XIAP: variants seen among roughly 807,000 people sequenced by gnomAD.
XIAP encodes the protein E3 ubiquitin-protein ligase XIAP.
Under a neutral mutation model 33.1 loss-of-function variants are expected in XIAP, and 3 were observed. The ratio of observed to expected loss-of-function variants is 0.09; its 90% confidence interval spans 0.04 to 0.23. XIAP has a LOEUF of 0.23. Among genes scored for constraint, XIAP ranks in the 10% least tolerant of loss-of-function variants. XIAP has a pLI of 1.00. For synonymous variants in XIAP, 98 were observed against 121.3 expected, an observed-to-expected ratio of 0.81 and a Z score of 1.26; for missense variants, 264 against 363.0, an observed-to-expected ratio of 0.73 and a Z score of 2.22.
At chrX:123,880,136 G>A (rs1334647620) in intron 1 of XIAP, among the ~76,000 whole-genome samples, 1 of 108,258 alleles carries the variant, frequency 9.2e-6, no homozygotes, top group Non-Finnish European at 1.9e-5. Flanking sequence ...CTTAAGGCTG[G>A]GCGCGGTGGC....
Position 123,907,663 on chromosome X carries a change from G to T in XIAP, c.*482G>T. 1 of 373,681 alleles carries T rather than the reference G, an allele frequency of 2.7e-6. No individual in the cohort carries two copies. The highest frequency in any genetic ancestry group is 2.6e-5 in the South Asian group (1 of 37,794). The allele number at this position is 373,681 out of a possible 1,213,427, so 30.8% of individuals were successfully genotyped here. On this transcript the variant is annotated 3_prime_UTR_variant, in exon 7 of 7. Coordinates refer to ENST00000371199, the MANE Select transcript of XIAP (RefSeq NM_001167.4). Reference sequence around the variant, plus strand: ...AGATAGAGATTGTTTTTAGAGGTTGGTTGTTGTGTTTTAGGATTCTGTCCA... The same window carrying T: ...AGATAGAGATTGTTTTTAGAGGTTGTTTGTTGTGTTTTAGGATTCTGTCCA...
intron 5 of XIAP, among the ~76,000 whole-genome samples, chrX:123,900,145 T>C (rs2053502752): frequency 8.9e-6 from 1 of 112,116 alleles, no homozygotes; most frequent in Non-Finnish European, 1.9e-5. Context: ...CAACATCCAC[T>C]CTTTAAGTAA....
chrX:123,872,351 A>T (rs1227363977), intron 1 of XIAP, among the ~76,000 whole-genome samples: 7 of 101,630 alleles, frequency 6.9e-5, no homozygotes, highest in African/African-American at 2.2e-4. Flanking sequence ...TTTTTGGCAC[A>T]CTAGTGTCTC....
At chrX:123,883,396 A>G (rs1400957272) in intron 1 of XIAP, among the ~76,000 whole-genome samples, 2 of 109,290 alleles carry the variant, frequency 1.8e-5, no homozygotes, top group African/African-American at 6.7e-5. Flanking sequence ...TGCACCAGAT[A>G]TTTTTTAAAA....
rs1184725408 is a variant in XIAP at position 123,913,634 on chromosome X, AC to A, written c.*6455del. 3.1e-6 allele frequency: 1 copy of A among 322,599 alleles called. No homozygotes were observed. The highest frequency in any genetic ancestry group is 3.2e-5 in the Admixed American group (1 of 31,145). The allele number at this position is 322,599 out of a possible 1,213,427, so 26.6% of individuals were successfully genotyped here. A position where few individuals can be genotyped will look rare whatever the true frequency, so the allele number is the denominator to read the frequency against. ...AATATTTTAAATTACTATATATGTT[AC>A]CATTTTTCTGGATTTAGTAAGAAAT... On this transcript the variant is annotated 3_prime_UTR_variant, in exon 7 of 7. Transcript: ENST00000371199.
intron 5 of XIAP, among the ~76,000 whole-genome samples, chrX:123,894,956 G>GTAAGTAAGTAAA (rs762956643): frequency 0.011 from 1,119 of 105,733 alleles, 3 homozygotes; most frequent in Non-Finnish European, 0.015. Flanking sequence ...ACATAAATAA[G>GTAAGTAAGTAAA]TAAATAAATA....
Position 123,913,849 on chromosome X carries a change from G to GAAAAA in XIAP, c.*6670_*6671insAAAAA. On this transcript the variant is annotated 3_prime_UTR_variant, in exon 7 of 7. Coordinates refer to ENST00000371199, the MANE Select transcript of XIAP (RefSeq NM_001167.4). ...ATAATTTTATGGTTTTTTTCACTTA[G>GAAAAA]AACCTTTCTGTGTGGAAAACTAAGA... 3.2e-6 allele frequency: 1 copy of GAAAAA among 317,360 alleles called. No homozygotes were observed. The highest frequency in any genetic ancestry group is 2.9e-5 in the South Asian group (1 of 34,969). 26.2% of individuals were successfully genotyped at this position (317,360 alleles called of 1,213,427 possible).
In XIAP at chrX:123,907,564, G is replaced by C. The variant is rs1165644941; in HGVS notation, c.*383G>C. 1 of 382,507 alleles carries C rather than the reference G, an allele frequency of 2.6e-6. No homozygotes were observed. The highest frequency in any genetic ancestry group is 3.0e-5 in the Admixed American group (1 of 33,184). 31.5% of individuals were successfully genotyped at this position (382,507 alleles called of 1,213,427 possible). On this transcript the variant is annotated 3_prime_UTR_variant, in exon 7 of 7. Transcript: ENST00000371199. ...GGAGCTTTCTGTATATAAATGTGGAGATTAGAGTTAATCTCCCCAATCACA... is the reference window on the plus strand; with the variant it reads ...GGAGCTTTCTGTATATAAATGTGGACATTAGAGTTAATCTCCCCAATCACA...
chrX:123,895,814 T>G (rs1250222341), intron 5 of XIAP, among the ~76,000 whole-genome samples: 1 of 106,052 alleles, frequency 9.4e-6, no homozygotes, highest in African/African-American at 3.5e-5. Context: ...TAGGCTGGAG[T>G]GCAGTGGTAA....
At chrX:123,906,140 TTA>T (rs1345053729) in intron 6 of XIAP, among the ~76,000 whole-genome samples, 1 of 113,049 alleles carries the variant, frequency 8.8e-6, no homozygotes, top group East Asian at 2.8e-4. Flanking sequence ...GTCATTATTG[TTA>T]TATGTGACCA....
chrX:123,904,753 A>G (rs1382821204), intron 6 of XIAP, among the ~76,000 whole-genome samples: 2 of 111,859 alleles, frequency 1.8e-5, no homozygotes, highest in African/African-American at 3.3e-5. Context: ...CCTCCCGAGT[A>G]GCTGGGATTA....
At chrX:123,892,812 CAATT>C (rs1569478589) in intron 5 of XIAP, 39 bp downstream of exon 5, 1 of 1,092,832 alleles carries the variant, frequency 9.2e-7, no homozygotes, top group South Asian at 1.9e-5. Context: ...ATTTAACTGC[CAATT>C]TATTTATTTA....
Position 123,912,216 on chromosome X carries a change from G to GAAAAAAAAAAAAAAAAAAAAA in XIAP, c.*5047_*5048insAAAAAAAAAAAAAAAAAAAAA. ...ACCAAGGAGGAATTGAAAACACTGA[G>GAAAAAAAAAAAAAAAAAAAAA]AAAAAAAAAAAAGACCACACAATAA... On this transcript the variant is annotated 3_prime_UTR_variant, in exon 7 of 7. Transcript: ENST00000371199. 1 of 207,687 alleles carries GAAAAAAAAAAAAAAAAAAAAA rather than the reference G, an allele frequency of 4.8e-6. No homozygotes were observed. Among genetic ancestry groups the GAAAAAAAAAAAAAAAAAAAAA allele is most frequent in the Non-Finnish European group, 8.7e-6 (1 of 114,936 alleles). 17.1% of individuals were successfully genotyped at this position (207,687 alleles called of 1,213,427 possible).
In XIAP at chrX:123,906,908, A is replaced by G. The variant is rs2053559412; in HGVS notation, c.1301-80A>G. 2.7e-6 allele frequency: 3 copies of G among 1,122,776 alleles called. No homozygotes were observed. In the Admixed American group the frequency reaches 6.9e-5, roughly 26 times the overall value. 92.5% of individuals were successfully genotyped at this position (1,122,776 alleles called of 1,213,427 possible). ...ACTTGTTGGGTGCTTGGCACGTAGTAGGGGCTCAATAAATGTTTTCAATGA... is the reference window on the plus strand; with the variant it reads ...ACTTGTTGGGTGCTTGGCACGTAGTGGGGGCTCAATAAATGTTTTCAATGA... On this transcript the variant is annotated intron_variant, in intron 6 of 6. Transcript: ENST00000371199.
Position 123,912,216 on chromosome X carries a change from G to GAAAAAAAAAAAAAAAAAAAAAAA in XIAP, c.*5047_*5048insAAAAAAAAAAAAAAAAAAAAAAA. 1 of 207,688 alleles carries GAAAAAAAAAAAAAAAAAAAAAAA rather than the reference G, an allele frequency of 4.8e-6. No individual in the cohort carries two copies. Among genetic ancestry groups the GAAAAAAAAAAAAAAAAAAAAAAA allele is most frequent in the East Asian group, 1.4e-4 (1 of 7,391 alleles). 17.1% of individuals were successfully genotyped at this position (207,688 alleles called of 1,213,427 possible). ...ACCAAGGAGGAATTGAAAACACTGA[G>GAAAAAAAAAAAAAAAAAAAAAAA]AAAAAAAAAAAAGACCACACAATAA... On this transcript the variant is annotated 3_prime_UTR_variant, in exon 7 of 7. Coordinates refer to ENST00000371199, the MANE Select transcript of XIAP (RefSeq NM_001167.4).
At chrX:123,886,651 C>T (rs2053354705) in intron 2 of XIAP, 112 bp downstream of exon 2, 2 of 808,456 alleles carry the variant, frequency 2.5e-6, no homozygotes, top group East Asian at 3.3e-5. Flanking sequence ...TATAACTTGG[C>T]ATGATTATAT....
rs1419364869 is a variant in XIAP, at chrX:123,885,721, A to G, written c.59A>G (p.Glu20Gly). 8.3e-7 allele frequency: 1 copy of G among 1,211,172 alleles called. No individual in the cohort carries two copies. The highest frequency in any genetic ancestry group is 3.0e-5 in the East Asian group (1 of 33,872). ...KTCVPADINK[E>G]EEFVEEFNRL... Reference sequence around the variant, plus strand: ...TGTGTACCTGCAGACATCAATAAGGAAGAAGAATTTGTAGAAGAGTTTAAT... The same window carrying G: ...TGTGTACCTGCAGACATCAATAAGGGAGAAGAATTTGTAGAAGAGTTTAAT... The change falls in exon 2 of 7, where the codon GAA (glutamate) becomes GGA (glycine). Residue 20 changes from glutamate (E) to glycine (G), a missense_variant. Physicochemically the swap from Glu to Gly is moderately conservative, Grantham distance 98. Transcript: ENST00000371199.
Position 123,885,850 on chromosome X carries a change from G to A in XIAP, c.188G>A (p.Cys63Tyr). ...ACTGGTGAAGGAGATACCGTGCGGTGCTTTAGTTGTCATGCAGCTGTAGAT... is the reference window on the plus strand; with the variant it reads ...ACTGGTGAAGGAGATACCGTGCGGTACTTTAGTTGTCATGCAGCTGTAGAT... ...LYTGEGDTVR[C>Y]FSCHAAVDRW... is the part of the protein sequence containing the mutation. The change falls in exon 2 of 7, where the codon TGC (cysteine) becomes TAC (tyrosine). Residue 63 changes from cysteine (C) to tyrosine (Y), a missense_variant. Physicochemically the swap from Cys to Tyr is radical, Grantham distance 194. Coordinates refer to ENST00000371199, the MANE Select transcript of XIAP (RefSeq NM_001167.4). 1 of 1,212,120 alleles carries A rather than the reference G, an allele frequency of 8.3e-7. No homozygotes were observed. Among genetic ancestry groups the A allele is most frequent in the Non-Finnish European group, 1.1e-6 (1 of 895,623 alleles).
intron 1 of XIAP, among the ~76,000 whole-genome samples, chrX:123,877,014 A>G (rs185257009): frequency 9.0e-6 from 1 of 111,247 alleles, no homozygotes; most frequent in East Asian, 2.8e-4. Context: ...AGGAGTAAAT[A>G]CAAGAATGTT....
Sources: gnomAD v4.1 joint callset for allele counts (sites outside exome capture counted in the v4.1 genomes callset) on GRCh38, gnomAD v4.1.1 for gene constraint, MANE v1.5 for transcripts, NCBI Gene and HGNC (gene_info 2026-07-23, HGNC 2026-07-21) for gene names.